CDH13: variants seen among roughly 807,000 people sequenced by gnomAD.
The protein encoded by CDH13 is cadherin 13.
In CDH13, 24 loss-of-function variants were observed where a neutral mutation model predicts 63.8. That is an observed-to-expected ratio of 0.38 (90% CI 0.27 to 0.53). The LOEUF (loss-of-function observed/expected upper bound fraction) is 0.53. Among genes scored for constraint, CDH13 ranks in the 20% least tolerant of loss-of-function variants. The pLI, the probability that CDH13 is intolerant of heterozygous loss-of-function variation, is 0.85. For synonymous variants in CDH13, 503 were observed against 355.3 expected (o/e 1.42, Z -4.67); for missense variants, 1,049 against 903.1 (o/e 1.16, Z -2.07).
At chr16:83,412,280 G>A (rs6563905) in intron 6 of CDH13, among the ~76,000 whole-genome samples, 12,746 of 152,090 alleles carry the variant, frequency 0.084, 604 homozygotes, top group Middle Eastern at 0.13. Context: ...TGGCCAACAC[G>A]GTGAAACCCC....
chr16:82,724,695 T>G (rs557154784), intron 1 of CDH13, among the ~76,000 whole-genome samples: 1 of 152,106 alleles, frequency 6.6e-6, no homozygotes, highest in African/African-American at 2.4e-5. Context: ...GTAATGCAAT[T>G]GGAAAGGTGC....
chr16:82,885,382 C>T (rs980540848), intron 2 of CDH13, among the ~76,000 whole-genome samples: 1 of 152,006 alleles, frequency 6.6e-6, no homozygotes, highest in Non-Finnish European at 1.5e-5. Flanking sequence ...ATCTATCCAC[C>T]TATCCATTCT....
At chr16:83,174,492 A>G (rs2038045185) in intron 4 of CDH13, among the ~76,000 whole-genome samples, 1 of 152,002 alleles carries the variant, frequency 6.6e-6, no homozygotes, top group Non-Finnish European at 1.5e-5. Context: ...TCTGAGCCAG[A>G]ATAAAGTTTA....
chr16:83,570,564 G>A (rs544603031), intron 7 of CDH13, among the ~76,000 whole-genome samples: 1 of 151,928 alleles, frequency 6.6e-6, no homozygotes, highest in Admixed American at 6.6e-5. Flanking sequence ...GGCTGCTGTG[G>A]GAAGGAACTA....
chr16:83,184,113 C>CACAT (rs2038435756), intron 4 of CDH13, among the ~76,000 whole-genome samples: 1 of 147,024 alleles, frequency 6.8e-6, no homozygotes, highest in African/African-American at 2.6e-5. Context: ...CACACACACA[C>CACAT]ACACACACAC....
chr16:83,228,514 A>G (rs1345892), intron 5 of CDH13, among the ~76,000 whole-genome samples: 277 of 152,308 alleles, frequency 1.8e-3, no homozygotes, highest in African/African-American at 6.4e-3. Context: ...ACAATCGACT[A>G]TATTATCTTG....
At chr16:83,065,538 C>T (rs560457573) in intron 3 of CDH13, among the ~76,000 whole-genome samples, 2 of 151,988 alleles carry the variant, frequency 1.3e-5, no homozygotes, top group Non-Finnish European at 2.9e-5. Flanking sequence ...AACCCCGTCT[C>T]TACTAAAAAT....
chr16:82,659,266 G>T (rs1452681915), intron 1 of CDH13, among the ~76,000 whole-genome samples: 1 of 152,156 alleles, frequency 6.6e-6, no homozygotes, highest in South Asian at 2.1e-4. Context: ...TAGAATGCTT[G>T]CCAGCAGCAT....
intron 1 of CDH13, among the ~76,000 whole-genome samples, chr16:82,659,640 C>T (rs1479028225): frequency 6.6e-6 from 1 of 152,174 alleles, no homozygotes; most frequent in East Asian, 1.9e-4. Context: ...CAAGAACCCA[C>T]CCACAGGCCA....
At chr16:83,258,216 G>C (rs972482529) in intron 5 of CDH13, among the ~76,000 whole-genome samples, 3 of 152,184 alleles carry the variant, frequency 2.0e-5, no homozygotes, top group Non-Finnish European at 4.4e-5. Flanking sequence ...CTCTACAGAG[G>C]CATAGCCAAA....
At chr16:83,121,474 C>T (rs756946228) in intron 3 of CDH13, among the ~76,000 whole-genome samples, 4 of 152,202 alleles carry the variant, frequency 2.6e-5, no homozygotes, top group Admixed American at 6.5e-5. Context: ...GTGCCCAGCA[C>T]ATTGGCCAGC....
intron 1 of CDH13, among the ~76,000 whole-genome samples, chr16:82,674,429 G>C (rs565089454): frequency 5.3e-5 from 8 of 152,352 alleles, no homozygotes; most frequent in African/African-American, 1.7e-4. Flanking sequence ...GGCATGAGAA[G>C]TGTTAGCAAT....
intron 11 of CDH13, among the ~76,000 whole-genome samples, chr16:83,757,510 G>A (rs138937346): frequency 1.4e-4 from 22 of 152,244 alleles, no homozygotes; most frequent in African/African-American, 4.1e-4. Context: ...CCCAGGAGGC[G>A]GAGGTTGCAG....
chr16:82,705,037 C>T (rs969211327), intron 1 of CDH13: 10 of 417,100 alleles, frequency 2.4e-5, no homozygotes, highest in African/African-American at 8.4e-5. Flanking sequence ...GGAAAATAAA[C>T]GGTTTCTTCT....
intron 10 of CDH13, among the ~76,000 whole-genome samples, chr16:83,739,467 A>G (rs1282485073): frequency 6.6e-6 from 1 of 152,116 alleles, no homozygotes; most frequent in Non-Finnish European, 1.5e-5. Flanking sequence ...TCCCTGTGAT[A>G]AGTTTTAACC....
At chr16:83,674,078 T>C (rs1345847722) in intron 9 of CDH13, among the ~76,000 whole-genome samples, 1 of 152,234 alleles carries the variant, frequency 6.6e-6, no homozygotes, top group Non-Finnish European at 1.5e-5. Context: ...AGAAGCCAGC[T>C]AGGCCATGCT....
chr16:83,015,269 G>A (rs1393086722), intron 2 of CDH13, among the ~76,000 whole-genome samples: 1 of 151,742 alleles, frequency 6.6e-6, no homozygotes, highest in Non-Finnish European at 1.5e-5. Flanking sequence ...AATAATATGA[G>A]TTAAAGGATG....
chr16:82,659,808 G>C (rs565878231), intron 1 of CDH13, among the ~76,000 whole-genome samples: 2 of 152,150 alleles, frequency 1.3e-5, no homozygotes, highest in Non-Finnish European at 2.9e-5. Context: ...AGATTGTGGT[G>C]AGGCTATCCT....
intron 2 of CDH13, among the ~76,000 whole-genome samples, chr16:82,885,778 G>A (rs1361102377): frequency 6.6e-6 from 1 of 151,930 alleles, no homozygotes; most frequent in Admixed American, 6.6e-5. Flanking sequence ...ATGTAACCTT[G>A]GGCACGTTTT....
Sources: gnomAD v4.1 joint callset for allele counts (sites outside exome capture counted in the v4.1 genomes callset) on GRCh38, gnomAD v4.1.1 for gene constraint, MANE v1.5 for transcripts, NCBI Gene and HGNC (gene_info 2026-07-23, HGNC 2026-07-21) for gene names.